Variants in TEC observed in about 807,000 individuals in gnomAD.
TEC encodes the protein tec protein tyrosine kinase.
In TEC, 72 loss-of-function variants were observed where a neutral mutation model predicts 93.0. The ratio of observed to expected loss-of-function variants is 0.77; its 90% CI spans 0.64 to 0.94. TEC has a LOEUF of 0.94. Ranked by LOEUF, TEC falls within the 40% of genes least tolerant of loss-of-function variation. TEC has a pLI of 0.00. For missense variants in TEC, 630 were observed against 757.9 expected, an observed-to-expected ratio of 0.83 and a Z score of 1.98; for synonymous variants, 249 against 247.7, an observed-to-expected ratio of 1.01 and a Z score of -0.05.
intron 2 of TEC, among the ~76,000 whole-genome samples, chr4:48,220,849 CA>C (rs1343674867): frequency 1.3e-5 from 2 of 152,144 alleles, no homozygotes; most frequent in Non-Finnish European, 2.9e-5. Context: ...CAATTTAACT[CA>C]ATTCTGACAC....
chr4:48,223,745 G>T (rs1723343551), intron 2 of TEC, among the ~76,000 whole-genome samples: 1 of 152,168 alleles, frequency 6.6e-6, no homozygotes, highest in African/African-American at 2.4e-5. Flanking sequence ...CTTGGACTTT[G>T]GGAGGGTCCC....
chr4:48,167,738 C>G, intron 7 of TEC, 40 bp downstream of exon 7: 2 of 1,593,808 alleles, frequency 1.3e-6, no homozygotes, highest in Middle Eastern at 1.7e-4. Context: ...TTGACTCCCA[C>G]CTACCCACTG....
intron 2 of TEC, among the ~76,000 whole-genome samples, chr4:48,222,056 C>A (rs1723282057): frequency 6.6e-6 from 1 of 152,232 alleles, no homozygotes; most frequent in East Asian, 1.9e-4. Context: ...ACAGAAAAGG[C>A]TTCTGAGAAG....
Position 48,167,968 on chromosome 4 carries a change from T to C in TEC, c.496-15A>G, listed in dbSNP as rs201643249. 2.0e-4 allele frequency: 322 copies of C among 1,612,846 alleles called. No individual in the cohort carries two copies. The highest frequency in any genetic ancestry group is 2.5e-4 in the Non-Finnish European group (289 of 1,179,302). ...GGAGGCCTTCGCTAGACAAGGAAGATAACATTTGAAAGTTTAGTCTTCTAT... is the reference window on the plus strand; with the variant it reads ...GGAGGCCTTCGCTAGACAAGGAAGACAACATTTGAAAGTTTAGTCTTCTAT... On this transcript the variant is annotated splice_polypyrimidine_tract_variant and intron_variant, in intron 6 of 17. Coordinates refer to ENST00000381501, the MANE Select transcript of TEC (RefSeq NM_003215.3).
intron 3 of TEC, among the ~76,000 whole-genome samples, chr4:48,174,504 C>T (rs1222275795): frequency 6.6e-6 from 1 of 151,966 alleles, no homozygotes; most frequent in Admixed American, 6.6e-5. Flanking sequence ...ACTAAAAATA[C>T]AAAAATTAGC....
Position 48,167,832 on chromosome 4 carries a change from T to A in TEC, c.617A>T (p.Tyr206Phe). The part of the protein sequence containing the change: ...HDLRLERGQE[Y>F]LILEKNDVHW... ...AACATCATTCTTTTCTAAAATGAGA[T>A]ACTCTTGGCCTCTCTCTAATCTGAG... The change falls in exon 7 of 18, where the codon TAT (tyrosine) becomes TTT (phenylalanine). Residue 206 changes from tyrosine (Y) to phenylalanine (F), a missense_variant. Coordinates refer to ENST00000381501, the MANE Select transcript of TEC (RefSeq NM_003215.3). 2 of 1,613,970 alleles carry A rather than the reference T, an allele frequency of 1.2e-6. No individual in the cohort carries two copies. Among genetic ancestry groups the A allele is most frequent in the Non-Finnish European group, 1.7e-6 (2 of 1,179,902 alleles).
chr4:48,153,810 C>A (rs1014060755), intron 9 of TEC, among the ~76,000 whole-genome samples: 6 of 152,164 alleles, frequency 3.9e-5, no homozygotes, highest in African/African-American at 1.4e-4. Flanking sequence ...CCCAGCCCTG[C>A]AGCAACGCCT....
chr4:48,237,157 C>G (rs1237645740), intron 1 of TEC, among the ~76,000 whole-genome samples: 2 of 151,936 alleles, frequency 1.3e-5, no homozygotes, highest in Non-Finnish European at 2.9e-5. Context: ...ATGGCAAAAC[C>G]CTATCTCTAC....
At chr4:48,193,597 GT>G (rs1409315454) in intron 2 of TEC, among the ~76,000 whole-genome samples, 1 of 151,832 alleles carries the variant, frequency 6.6e-6, no homozygotes, top group Admixed American at 6.6e-5. Context: ...CTTTTGGCCT[GT>G]TTTTTTGTTT....
rs187107531 is a variant in TEC, at chr4:48,211,821, G to C, written c.138+16656C>G. 2.2e-3 allele frequency among the ~76,000 whole-genome samples: 340 copies of C among 152,132 alleles called. 2 individuals carry two copies. The highest frequency in any genetic ancestry group is 3.6e-3 in the Non-Finnish European group (243 of 67,980). ...CTTTAATATAAGCATTCACAGGCTGGGCACAGTGGCTCATGCCTGTAATCC... is the reference window on the plus strand; with the variant it reads ...CTTTAATATAAGCATTCACAGGCTGCGCACAGTGGCTCATGCCTGTAATCC... On this transcript the variant is annotated intron_variant, in intron 2 of 17. Coordinates refer to ENST00000381501, the MANE Select transcript of TEC (RefSeq NM_003215.3).
intron 2 of TEC, among the ~76,000 whole-genome samples, chr4:48,217,118 T>C (rs1723105891): frequency 6.6e-6 from 1 of 151,972 alleles, no homozygotes; most frequent in Non-Finnish European, 1.5e-5. Context: ...TTTTTTTTTT[T>C]CTTGAGATGG....
At chr4:48,169,530 G>A (rs1410869347) in intron 5 of TEC, among the ~76,000 whole-genome samples, 1 of 152,036 alleles carries the variant, frequency 6.6e-6, no homozygotes, top group Non-Finnish European at 1.5e-5. Flanking sequence ...ATCTGGCCTC[G>A]TTCATAATAC....
intron 2 of TEC, among the ~76,000 whole-genome samples, chr4:48,207,785 C>A (rs1383111636): frequency 6.6e-6 from 1 of 152,060 alleles, no homozygotes. Flanking sequence ...GAGACCTCGT[C>A]TCAAAATAAA....
chr4:48,214,535 T>A (rs1273324031), intron 2 of TEC, among the ~76,000 whole-genome samples: 1 of 152,214 alleles, frequency 6.6e-6, no homozygotes, highest in African/African-American at 2.4e-5. Flanking sequence ...ATTCTGTTTT[T>A]CACTTTTAGT....
intron 7 of TEC, among the ~76,000 whole-genome samples, chr4:48,164,274 T>C (rs1477210086): frequency 6.6e-6 from 1 of 152,204 alleles, no homozygotes; most frequent in African/African-American, 2.4e-5. Context: ...GGATAATTCC[T>C]GGCCTTTCGG....
At chr4:48,249,361 T>C (rs1453243193) in intron 1 of TEC, among the ~76,000 whole-genome samples, 1 of 152,238 alleles carries the variant, frequency 6.6e-6, no homozygotes, top group Non-Finnish European at 1.5e-5. Flanking sequence ...TGATCCTTGG[T>C]CTGTATCTGT....
rs151239341 is a variant in TEC at position 48,242,066 on chromosome 4, G to C, written c.-45-13407C>G. Among the ~76,000 whole-genome samples the C allele has an allele frequency of 5.3e-3, 811 of 152,354 alleles. 10 individuals carry two copies. Among genetic ancestry groups the C allele is most frequent in the African/African-American group, 0.018 (762 of 41,584 alleles). On this transcript the variant is annotated intron_variant, in intron 1 of 17. Coordinates refer to ENST00000381501, the MANE Select transcript of TEC (RefSeq NM_003215.3). ...TTACAATCTATTAAGGACTTTAAAAGTGGTAATGTGCAGTGTCTGGCTACA... is the reference window on the plus strand; with the variant it reads ...TTACAATCTATTAAGGACTTTAAAACTGGTAATGTGCAGTGTCTGGCTACA...
intron 1 of TEC, among the ~76,000 whole-genome samples, chr4:48,235,760 AATCATT>A (rs1339961765): frequency 6.6e-6 from 1 of 152,186 alleles, no homozygotes; most frequent in Non-Finnish European, 1.5e-5. Context: ...AATAATAAAA[AATCATT>A]ATCATTATCA....
At chr4:48,199,778 A>G (rs915507903) in intron 2 of TEC, among the ~76,000 whole-genome samples, 1 of 151,988 alleles carries the variant, frequency 6.6e-6, no homozygotes, top group African/African-American at 2.4e-5. Flanking sequence ...AAAAGAATGG[A>G]TTTTTATATT....
Sources: allele counts gnomAD v4.1 joint callset (sites outside exome capture counted in the v4.1 genomes callset), GRCh38; gene constraint gnomAD v4.1.1; transcripts MANE v1.5; gene names NCBI Gene and HGNC (gene_info 2026-07-23, HGNC 2026-07-21).